The following NINL variants were observed in gnomAD, a reference collection of about 807,000 sequenced individuals.
NINL encodes ninein-like protein.
In NINL, 153 loss-of-function variants were observed where a neutral mutation model predicts 160.3. That is an observed-to-expected ratio of 0.95 (90% CI 0.84 to 1.09). NINL has a LOEUF of 1.09. Among genes scored for constraint, NINL ranks in the 50% least tolerant of loss-of-function variants. The probability of loss-of-function intolerance (pLI) is 0.00; values close to 1 mark genes in which losing one functional copy is unlikely to be tolerated. For missense variants in NINL, 1,829 were observed against 1,764.0 expected, an observed-to-expected ratio of 1.04 and a Z score of -0.66; for synonymous variants, 800 against 734.8, an observed-to-expected ratio of 1.09 and a Z score of -1.43.
intron 1 of NINL, among the ~76,000 whole-genome samples, chr20:25,572,978 T>C (rs1444122368): frequency 6.6e-6 from 1 of 152,204 alleles, no homozygotes; most frequent in African/African-American, 2.4e-5. Context: ...GTGTAACCTT[T>C]CTAGTTTCAT....
chr20:25,537,341 C>T (rs1460317159), intron 1 of NINL, among the ~76,000 whole-genome samples: 1 of 152,186 alleles, frequency 6.6e-6, no homozygotes, highest in Non-Finnish European at 1.5e-5. Flanking sequence ...CCGGGGCCTC[C>T]CAGAGGGCTG....
At chr20:25,541,585 A>G (rs2064663047) in intron 1 of NINL, among the ~76,000 whole-genome samples, 1 of 152,262 alleles carries the variant, frequency 6.6e-6, no homozygotes, top group Non-Finnish European at 1.5e-5. Context: ...GTGTATCTAT[A>G]TAATTACAAA....
chr20:25,581,480 C>T (rs942639321), intron 1 of NINL, among the ~76,000 whole-genome samples: 1 of 151,220 alleles, frequency 6.6e-6, no homozygotes, highest in African/African-American at 2.4e-5. Flanking sequence ...AAATGTCCAC[C>T]ATAGAAAGAA....
At chr20:25,472,106 C>T (rs1294275085) in intron 17 of NINL, among the ~76,000 whole-genome samples, 1 of 151,584 alleles carries the variant, frequency 6.6e-6, no homozygotes, top group Admixed American at 6.6e-5. Context: ...TAGAAATGAA[C>T]AAAAAGTCAA....
At chr20:25,520,465 T>G (rs551642722) in intron 2 of NINL, among the ~76,000 whole-genome samples, 1 of 152,188 alleles carries the variant, frequency 6.6e-6, no homozygotes, top group East Asian at 1.9e-4. Context: ...TGTATTACTA[T>G]CTGACATTAA....
chr20:25,461,392 T>C, intron 21 of NINL, 130 bp downstream of exon 21: 1 of 615,040 alleles, frequency 1.6e-6, no homozygotes, highest in South Asian at 2.1e-5. Flanking sequence ...GGTAAGCACC[T>C]GGACAGCTGT....
chr20:25,565,400 G>A (rs2064988559), intron 1 of NINL, among the ~76,000 whole-genome samples: 1 of 152,004 alleles, frequency 6.6e-6, no homozygotes, highest in African/African-American at 2.4e-5. Flanking sequence ...GGAAGAGGAG[G>A]AGGAGGGAGA....
At position 25,480,191 on chromosome 20, in the gene NINL, G is replaced by A; in HGVS notation, c.1887C>T (p.Tyr629=). ...ELMMEQVKEH[Y]QDLRTQLETK... Reference sequence around the variant, plus strand: ...TCTCCAGCTGGGTCCTGAGGTCTTGGTAATGCTCCTTTACCTGCTCCATCA... The same window carrying A: ...TCTCCAGCTGGGTCCTGAGGTCTTGATAATGCTCCTTTACCTGCTCCATCA... The change falls in exon 15 of 24, where the codon TAC becomes TAT. Residue 629 remains tyrosine (Y), a synonymous_variant. Transcript: ENST00000278886. 1.9e-6 allele frequency: 3 copies of A among 1,614,006 alleles called. No homozygotes were observed. The highest frequency in any genetic ancestry group is 2.5e-6 in the Non-Finnish European group (3 of 1,179,972).
chr20:25,511,866 A>C (rs986625820), intron 4 of NINL, among the ~76,000 whole-genome samples: 2 of 152,244 alleles, frequency 1.3e-5, no homozygotes, highest in African/African-American at 4.8e-5. Context: ...CAAATGGTAA[A>C]CAAGTCCACC....
chr20:25,505,923 A>G (rs996150383), intron 5 of NINL, among the ~76,000 whole-genome samples: 1 of 152,344 alleles, frequency 6.6e-6, no homozygotes, highest in African/African-American at 2.4e-5. Flanking sequence ...AATGGGGAAA[A>G]TTCTTTCTGA....
chr20:25,518,483 C>T (rs2064202948), intron 2 of NINL, among the ~76,000 whole-genome samples: 1 of 152,160 alleles, frequency 6.6e-6, no homozygotes, highest in African/African-American at 2.4e-5. Flanking sequence ...TCTCTTTTAA[C>T]AAGAAACTAC....
At chr20:25,520,406 A>C (rs2064242434) in intron 2 of NINL, among the ~76,000 whole-genome samples, 1 of 152,248 alleles carries the variant, frequency 6.6e-6, no homozygotes, top group African/African-American at 2.4e-5. Context: ...CTGCCATTGA[A>C]TGCAAAATGT....
intron 13 of NINL, 38 bp downstream of exon 13, chr20:25,489,206 G>A (rs765165413): frequency 6.3e-7 from 1 of 1,592,652 alleles, no homozygotes; most frequent in Non-Finnish European, 8.6e-7. Context: ...CCCAGAGCCT[G>A]GACATGAGAC....
intron 23 of NINL, among the ~76,000 whole-genome samples, 164 bp from the exon 24 acceptor site, chr20:25,453,806 T>G (rs151231299): frequency 6.6e-6 from 1 of 152,204 alleles, no homozygotes; most frequent in Non-Finnish European, 1.5e-5. Context: ...ATCCCAGCAC[T>G]TTGGGAGGCT....
Position 25,482,115 on chromosome 20 carries a change from C to A in NINL, c.1678-15G>T. 6.3e-7 allele frequency: 1 copy of A among 1,587,622 alleles called. No individual in the cohort carries two copies. On this transcript the variant is annotated splice_polypyrimidine_tract_variant and intron_variant, in intron 13 of 23. Transcript: ENST00000278886. ...TCCTGCAGGTCCTGTGGGGACAGAG[C>A]CAGCCACCTCCTCTAGCAGCTGCAG... is the stretch of plus-strand genomic sequence containing the variant.
intron 1 of NINL, among the ~76,000 whole-genome samples, chr20:25,552,889 G>C (rs1198094379): frequency 1.3e-5 from 2 of 152,248 alleles, no homozygotes; most frequent in South Asian, 4.1e-4. Context: ...GGGTTACTCA[G>C]GCCTTCCTGG....
intron 1 of NINL, among the ~76,000 whole-genome samples, chr20:25,531,024 GC>G (rs59451080): frequency 0.03 from 4,495 of 152,222 alleles, 210 homozygotes; most frequent in African/African-American, 0.099. Flanking sequence ...CATCCCTACA[GC>G]TCAGCCACAA....
At chr20:25,456,404 C>T (rs1013990363) in intron 22 of NINL, among the ~76,000 whole-genome samples, 2 of 147,524 alleles carry the variant, frequency 1.4e-5, no homozygotes, top group African/African-American at 5.0e-5. Flanking sequence ...AAAAATCAGC[C>T]GGGCATGGTA....
At chr20:25,470,237 C>T (rs2063063308) in intron 17 of NINL, 142 bp from the exon 18 acceptor site, 1 of 670,672 alleles carries the variant, frequency 1.5e-6, no homozygotes, top group African/African-American at 1.8e-5. Flanking sequence ...CCATTCCTTT[C>T]CCTCTTCCTG....
Sources: allele counts gnomAD v4.1 joint callset (sites outside exome capture counted in the v4.1 genomes callset), GRCh38; gene constraint gnomAD v4.1.1; transcripts MANE v1.5; gene names NCBI Gene and HGNC (gene_info 2026-07-23, HGNC 2026-07-21).